The following PPIL6 variants were observed in gnomAD, a reference collection of about 807,000 sequenced individuals.
PPIL6 encodes peptidylprolyl isomerase like 6.
A neutral mutation model predicts 36.8 loss-of-function variants in PPIL6; 39 were observed. The observed-to-expected ratio is 1.06, with a 90% CI of 0.82 to 1.38. PPIL6 has a LOEUF of 1.38. PPIL6 is among the 40% of genes most tolerant of loss of function. PPIL6 has a pLI of 0.00. For synonymous variants in PPIL6, 123 were observed against 134.1 expected, an observed-to-expected ratio of 0.92 and a Z score of 0.57; for missense variants, 368 against 379.1, an observed-to-expected ratio of 0.97 and a Z score of 0.24.
chr6:109,419,111 A>G, intron 6 of PPIL6, 76 bp downstream of exon 6: 4 of 892,998 alleles, frequency 4.5e-6, no homozygotes, highest in Non-Finnish European at 7.4e-6. Flanking sequence ...TCTTATTTGG[A>G]ATTGTGAAAC....
At chr6:109,415,918 T>C (rs1188573591) in intron 6 of PPIL6, among the ~76,000 whole-genome samples, 1 of 152,202 alleles carries the variant, frequency 6.6e-6, no homozygotes, top group Non-Finnish European at 1.5e-5. Flanking sequence ...CATTGTTCAA[T>C]ATCAAAAGAA....
chr6:109,393,342 G>A (rs773345622), intron 7 of PPIL6, among the ~76,000 whole-genome samples: 8 of 151,782 alleles, frequency 5.3e-5, no homozygotes, highest in Non-Finnish European at 1.2e-4. Flanking sequence ...TCAGCCTCCT[G>A]AGTAGCCAGT....
At chr6:109,419,401 T>C (rs1198700011) in intron 5 of PPIL6, among the ~76,000 whole-genome samples, 158 bp from the exon 6 acceptor site, 2 of 149,450 alleles carry the variant, frequency 1.3e-5, no homozygotes, top group Non-Finnish European at 1.5e-5. Flanking sequence ...GGCAACATAA[T>C]GAGACTCCAT....
intron 3 of PPIL6, among the ~76,000 whole-genome samples, chr6:109,427,687 C>T (rs192578215): frequency 6.6e-6 from 1 of 152,234 alleles, no homozygotes; most frequent in East Asian, 1.9e-4. Context: ...CCGCACCCAG[C>T]CCACATTATA....
chr6:109,411,334 T>C (rs1158209299), intron 6 of PPIL6, among the ~76,000 whole-genome samples: 1 of 152,178 alleles, frequency 6.6e-6, no homozygotes, highest in Non-Finnish European at 1.5e-5. Context: ...AGGTCAGGCA[T>C]TAAAGGGAAT....
intron 5 of PPIL6, among the ~76,000 whole-genome samples, chr6:109,424,785 C>T (rs1038861349): frequency 5.9e-5 from 9 of 152,134 alleles, no homozygotes; most frequent in Non-Finnish European, 1.3e-4. Flanking sequence ...CCATTAGCGC[C>T]ATGACAGTTT....
chr6:109,436,876 C>G (rs1774479376), intron 1 of PPIL6, among the ~76,000 whole-genome samples: 1 of 152,188 alleles, frequency 6.6e-6, no homozygotes, highest in Non-Finnish European at 1.5e-5. Context: ...ATGCTATGTT[C>G]TTTAAGACTA....
chr6:109,420,893 T>A (rs1000559993), intron 5 of PPIL6, among the ~76,000 whole-genome samples: 22 of 152,202 alleles, frequency 1.4e-4, no homozygotes, highest in Admixed American at 6.5e-5. Context: ...GGCTCAGAAG[T>A]TAATTGACAA....
At chr6:109,427,678 C>T (rs1222324617) in intron 3 of PPIL6, among the ~76,000 whole-genome samples, 3 of 152,090 alleles carry the variant, frequency 2.0e-5, no homozygotes, top group African/African-American at 7.2e-5. Flanking sequence ...GAGCTACCGC[C>T]GCACCCAGCC....
At chr6:109,435,304 T>C (rs1774385592) in intron 2 of PPIL6, among the ~76,000 whole-genome samples, 1 of 150,586 alleles carries the variant, frequency 6.6e-6, no homozygotes, top group Non-Finnish European at 1.5e-5. Flanking sequence ...CACTTTTTTT[T>C]TTTTTTTTTT....
At chr6:109,395,300 G>C (rs1206006300) in intron 7 of PPIL6, among the ~76,000 whole-genome samples, 2 of 151,948 alleles carry the variant, frequency 1.3e-5, no homozygotes, top group Admixed American at 6.5e-5. Context: ...CCAGCTACTT[G>C]GGTGGCGGAG....
intron 1 of PPIL6, among the ~76,000 whole-genome samples, chr6:109,437,548 C>CTTTTTTTTTTTTT (rs71551374): frequency 3.1e-5 from 3 of 97,956 alleles, no homozygotes; most frequent in Non-Finnish European, 4.0e-5. Context: ...TATTTCTTTT[C>CTTTTTTTTTTTTT]TTTTTTTTTT....
chr6:109,438,387 G>A (rs1174417194), intron 1 of PPIL6, among the ~76,000 whole-genome samples: 1 of 151,148 alleles, frequency 6.6e-6, no homozygotes, highest in Non-Finnish European at 1.5e-5. Context: ...GACCAGCCTA[G>A]GCAACACAGT....
At chr6:109,438,605 T>A (rs931380901) in intron 1 of PPIL6, among the ~76,000 whole-genome samples, 4 of 151,966 alleles carry the variant, frequency 2.6e-5, no homozygotes, top group Non-Finnish European at 5.9e-5. Context: ...TTTTTTTTTT[T>A]AAGACAGAGT....
In PPIL6 at chr6:109,436,166, C is replaced by T; in HGVS notation, c.169G>A (p.Asp57Asn). Residue 57 changes from aspartate (D) to asparagine (N), a missense_variant, in exon 2 of 8, where the codon GAT (aspartate) becomes AAT (asparagine). Coordinates refer to ENST00000521072, the MANE Select transcript of PPIL6 (RefSeq NM_173672.5). ...TCTTGAAGAGGAACTAATATAGGAT[C>T]TTCAAATTTGGATGGATGATTATTC... Reference protein sequence around the residue: ...LKNNHPSKFEDPILVPLQEFA... With the variant: ...LKNNHPSKFENPILVPLQEFA... 1 of 1,579,730 alleles carries T rather than the reference C, an allele frequency of 6.3e-7. No individual in the cohort carries two copies. Among genetic ancestry groups the T allele is most frequent in the Non-Finnish European group, 8.7e-7 (1 of 1,149,282 alleles).
intron 6 of PPIL6, among the ~76,000 whole-genome samples, chr6:109,416,649 TC>T (rs1418471376): frequency 6.6e-6 from 1 of 152,114 alleles, no homozygotes; most frequent in Non-Finnish European, 1.5e-5. Context: ...AAGCTGCTTC[TC>T]CTGTTATCTG....
At chr6:109,430,582 A>G (rs1258703725) in intron 3 of PPIL6, among the ~76,000 whole-genome samples, 1 of 152,088 alleles carries the variant, frequency 6.6e-6, no homozygotes, top group African/African-American at 2.4e-5. Context: ...ACACGCCACC[A>G]CGCCCAGCTA....
intron 1 of PPIL6, chr6:109,440,244 T>G (rs1235059335): frequency 1.5e-6 from 1 of 660,630 alleles, no homozygotes; most frequent in South Asian, 1.5e-5. Flanking sequence ...AGTCGCCAAG[T>G]GGAACGCCCG....
intron 5 of PPIL6, among the ~76,000 whole-genome samples, chr6:109,424,864 C>A (rs868297587): frequency 1.9e-4 from 29 of 152,188 alleles, no homozygotes; most frequent in African/African-American, 6.3e-4. Flanking sequence ...AATTATCCAC[C>A]TTTAGCATAT....
Sources: gnomAD v4.1 joint callset for allele counts (sites outside exome capture counted in the v4.1 genomes callset) on GRCh38, gnomAD v4.1.1 for gene constraint, MANE v1.5 for transcripts, NCBI Gene and HGNC (gene_info 2026-07-23, HGNC 2026-07-21) for gene names.